Variants in RNGTT observed in about 807,000 individuals in gnomAD.
RNGTT encodes the protein RNA guanylyltransferase and 5'-phosphatase.
Under a neutral mutation model 79.3 loss-of-function variants are expected in RNGTT, and 33 were observed. That is an observed-to-expected ratio of 0.42 (90% confidence interval 0.32 to 0.56). The LOEUF is 0.56. Among genes scored for constraint, RNGTT ranks in the 20% least tolerant of loss-of-function variants. The probability of loss-of-function intolerance (pLI) is 0.17; values close to 1 mark genes in which losing one functional copy is unlikely to be tolerated. For missense variants in RNGTT, 497 were observed against 739.1 expected (o/e 0.67, Z 3.80); for synonymous variants, 222 against 235.9 (o/e 0.94, Z 0.54).
intron 13 of RNGTT, among the ~76,000 whole-genome samples, chr6:88,699,834 G>T (rs1775885864): frequency 6.6e-6 from 1 of 152,098 alleles, no homozygotes; most frequent in African/African-American, 2.4e-5. Context: ...AATATTGTAT[G>T]GTTTGAATCA....
chr6:88,760,778 A>G (rs1457301783), intron 13 of RNGTT, among the ~76,000 whole-genome samples: 4 of 152,140 alleles, frequency 2.6e-5, no homozygotes, highest in African/African-American at 9.7e-5. Flanking sequence ...CCTTCCTTAT[A>G]TAAGAACAGT....
intron 14 of RNGTT, among the ~76,000 whole-genome samples, chr6:88,644,812 C>T (rs547545013): frequency 3.9e-5 from 6 of 152,276 alleles, no homozygotes; most frequent in South Asian, 2.1e-4. Flanking sequence ...GCGCTTCATG[C>T]TAAAAATTCT....
intron 4 of RNGTT, among the ~76,000 whole-genome samples, chr6:88,923,138 C>T (rs1323159550): frequency 6.6e-6 from 1 of 152,206 alleles, no homozygotes; most frequent in Non-Finnish European, 1.5e-5. Context: ...GTTTGGCTGT[C>T]CCACTTTTAG....
intron 14 of RNGTT, among the ~76,000 whole-genome samples, chr6:88,618,044 A>G (rs1772299537): frequency 6.6e-6 from 1 of 152,204 alleles, no homozygotes; most frequent in South Asian, 2.1e-4. Flanking sequence ...TTTATCATAT[A>G]GCTTATCATT....
intron 1 of RNGTT, among the ~76,000 whole-genome samples, chr6:88,951,238 G>A (rs1785237109): frequency 6.6e-6 from 1 of 152,194 alleles, no homozygotes; most frequent in Non-Finnish European, 1.5e-5. Context: ...AACAGATGAG[G>A]AGTTGCTTCT....
chr6:88,777,851 G>A (rs1309532048), intron 12 of RNGTT, among the ~76,000 whole-genome samples: 2 of 152,114 alleles, frequency 1.3e-5, no homozygotes, highest in Non-Finnish European at 2.9e-5. Context: ...GCACCAAGAT[G>A]GGGAATCCTT....
At chr6:88,875,267 AAAGT>A (rs1468397496) in intron 8 of RNGTT, among the ~76,000 whole-genome samples, 1 of 152,114 alleles carries the variant, frequency 6.6e-6, no homozygotes, top group African/African-American at 2.4e-5. Flanking sequence ...GGAGGATCAG[AAAGT>A]AAGGAAAGAA....
intron 13 of RNGTT, among the ~76,000 whole-genome samples, chr6:88,742,106 T>C (rs1438860146): frequency 6.6e-6 from 1 of 152,212 alleles, no homozygotes; most frequent in African/African-American, 2.4e-5. Flanking sequence ...AGGTCCTGAA[T>C]TCTATGGGCA....
At chr6:88,667,383 C>G (rs1774457234) in intron 14 of RNGTT, among the ~76,000 whole-genome samples, 1 of 152,218 alleles carries the variant, frequency 6.6e-6, no homozygotes, top group African/African-American at 2.4e-5. Flanking sequence ...TTCTACATTT[C>G]ATGTCTTGTC....
chr6:88,962,762 T>C (rs1329565193), intron 1 of RNGTT, among the ~76,000 whole-genome samples: 1 of 151,248 alleles, frequency 6.6e-6, no homozygotes, highest in Non-Finnish European at 1.5e-5. Flanking sequence ...AATATATATA[T>C]ACTTTAATAA....
At chr6:88,786,045 C>T (rs1476264637) in intron 12 of RNGTT, among the ~76,000 whole-genome samples, 1 of 151,854 alleles carries the variant, frequency 6.6e-6, no homozygotes, top group Non-Finnish European at 1.5e-5. Context: ...TTTTACTAAC[C>T]ATAGTAGAGT....
In RNGTT at chr6:88,611,373, A is replaced by G. The variant is rs1360964597; in HGVS notation, c.*1346T>C. On this transcript the variant is annotated 3_prime_UTR_variant, in exon 16 of 16. Transcript: ENST00000369485. ...CATATACTTACACAGATATGCATTT[A>G]CATATACAATTCAGACCATGAAAAT... is the stretch of plus-strand genomic sequence containing the variant. 6.6e-6 allele frequency: 1 copy of G among 152,660 alleles called. No homozygotes were observed. Among genetic ancestry groups the G allele is most frequent in the African/African-American group, 2.4e-5 (1 of 41,450 alleles). 9.5% of individuals were successfully genotyped at this position (152,660 alleles called of 1,614,324 possible). A position where few individuals can be genotyped will look rare whatever the true frequency, so the allele number is the denominator to read the frequency against.
At chr6:88,651,930 T>A (rs1405139464) in intron 14 of RNGTT, among the ~76,000 whole-genome samples, 1 of 152,092 alleles carries the variant, frequency 6.6e-6, no homozygotes, top group Non-Finnish European at 1.5e-5. Flanking sequence ...GATTAATTTT[T>A]AAAAGAGTAT....
At chr6:88,749,719 A>G (rs947672687) in intron 13 of RNGTT, among the ~76,000 whole-genome samples, 5 of 152,160 alleles carry the variant, frequency 3.3e-5, no homozygotes, top group Admixed American at 3.3e-4. Flanking sequence ...TAAAAAATAA[A>G]ACAATGTATA....
intron 2 of RNGTT, among the ~76,000 whole-genome samples, chr6:88,934,465 T>C (rs1399488620): frequency 1.3e-5 from 2 of 152,216 alleles, no homozygotes; most frequent in Non-Finnish European, 2.9e-5. Flanking sequence ...TTGTATGTCC[T>C]CTTTTGAGAA....
At chr6:88,836,959 G>A (rs749662215) in intron 11 of RNGTT, among the ~76,000 whole-genome samples, 16 of 151,992 alleles carry the variant, frequency 1.1e-4, no homozygotes, top group Non-Finnish European at 2.2e-4. Context: ...GCACTCAAAG[G>A]GAGAGAAAAA....
chr6:88,905,302 A>G (rs1194101607), intron 5 of RNGTT, among the ~76,000 whole-genome samples: 1 of 152,226 alleles, frequency 6.6e-6, no homozygotes, highest in Non-Finnish European at 1.5e-5. Flanking sequence ...GCAAAGTAAA[A>G]GCATATTGAT....
At chr6:88,836,647 C>T (rs912888352) in intron 11 of RNGTT, among the ~76,000 whole-genome samples, 1 of 151,918 alleles carries the variant, frequency 6.6e-6, no homozygotes, top group Admixed American at 6.6e-5. Context: ...GAGGCTAAGG[C>T]GGGATGATTG....
chr6:88,828,008 G>A (rs1160266780), intron 11 of RNGTT, among the ~76,000 whole-genome samples: 1 of 152,180 alleles, frequency 6.6e-6, no homozygotes, highest in African/African-American at 2.4e-5. Context: ...TCTGAAGAGA[G>A]CAGCGGATCT....
Sources: gnomAD v4.1 joint callset for allele counts (sites outside exome capture counted in the v4.1 genomes callset) on GRCh38, gnomAD v4.1.1 for gene constraint, MANE v1.5 for transcripts, NCBI Gene and HGNC (gene_info 2026-07-23, HGNC 2026-07-21) for gene names.